SLC44A5: variants seen among roughly 807,000 people sequenced by gnomAD.
SLC44A5 encodes choline transporter-like protein 5.
A neutral mutation model predicts 101.8 loss-of-function variants in SLC44A5; 57 were observed. The observed-to-expected ratio is 0.56, with a 90% confidence interval of 0.45 to 0.70. The LOEUF is 0.70. Among genes scored for constraint, SLC44A5 ranks in the 30% least tolerant of loss-of-function variants. SLC44A5 has a pLI of 0.00. For synonymous variants in SLC44A5, 281 were observed against 290.9 expected, an observed-to-expected ratio of 0.97 and a Z score of 0.35; for missense variants, 737 against 853.1, an observed-to-expected ratio of 0.86 and a Z score of 1.70.
intron 5 of SLC44A5, among the ~76,000 whole-genome samples, 199 bp downstream of exon 5, chr1:75,300,413 C>T (rs1654360495): frequency 6.6e-6 from 1 of 152,114 alleles, no homozygotes; most frequent in Non-Finnish European, 1.5e-5. Flanking sequence ...TTTGGGCTTG[C>T]CTTTGACTAA....
chr1:75,380,905 G>A (rs1388559678), intron 3 of SLC44A5, among the ~76,000 whole-genome samples: 2 of 82,296 alleles, frequency 2.4e-5, no homozygotes, highest in Admixed American at 1.2e-4. Flanking sequence ...TATTTCCATT[G>A]GGTATCGTTA....
At position 75,438,213 on chromosome 1, in the gene SLC44A5, T is replaced by G. The variant is rs535425024; in HGVS notation, c.14-41592A>C. On this transcript the variant is annotated intron_variant, in intron 2 of 23. Transcript: ENST00000370859. ...GAGAAATGAAGGCTAGTCATTGGAT[T>G]CAGCAATCTGGAAGTTATTGATGAC... Among the ~76,000 whole-genome samples the G allele has an allele frequency of 2.0e-5, 3 of 152,252 alleles. No individual in the cohort carries two copies. The South Asian group carries it at 6.2e-4, about 32-fold the overall frequency.
At chr1:75,335,845 C>T (rs925586947) in intron 4 of SLC44A5, among the ~76,000 whole-genome samples, 1 of 152,088 alleles carries the variant, frequency 6.6e-6, no homozygotes, top group African/African-American at 2.4e-5. Context: ...GCTCTGTGGC[C>T]CTGCCCAGGA....
chr1:75,359,178 T>TC (rs1659302315), intron 3 of SLC44A5, among the ~76,000 whole-genome samples: 1 of 151,888 alleles, frequency 6.6e-6, no homozygotes, highest in Admixed American at 6.6e-5. Flanking sequence ...TCTTTTCTTT[T>TC]TTTTTTTAAG....
At chr1:75,482,168 G>C (rs924584022) in intron 2 of SLC44A5, among the ~76,000 whole-genome samples, 5 of 151,550 alleles carry the variant, frequency 3.3e-5, no homozygotes, top group Admixed American at 2.6e-4. Flanking sequence ...ACTATCACAA[G>C]GATAAAAAAC....
At chr1:75,461,322 C>A (rs751817660) in intron 2 of SLC44A5, among the ~76,000 whole-genome samples, 1 of 152,142 alleles carries the variant, frequency 6.6e-6, no homozygotes, top group Non-Finnish European at 1.5e-5. Context: ...TTCACATGCA[C>A]CTTTCTCCCT....
chr1:75,497,744 A>AT (rs1197365791), intron 2 of SLC44A5, among the ~76,000 whole-genome samples: 1 of 152,142 alleles, frequency 6.6e-6, no homozygotes, highest in South Asian at 2.1e-4. Flanking sequence ...AAAACAATAC[A>AT]TTGTGTACCT....
chr1:75,643,414 A>T, the SLC44A5 span, among the ~76,000 whole-genome samples: 1 of 152,204 alleles, frequency 6.6e-6, no homozygotes, highest in Non-Finnish European at 1.5e-5. Context: ...TAGAATATAA[A>T]AACAAGCAAA....
intron 2 of SLC44A5, among the ~76,000 whole-genome samples, chr1:75,459,257 C>G (rs189723832): frequency 1.3e-5 from 2 of 152,190 alleles, no homozygotes; most frequent in East Asian, 3.9e-4. Flanking sequence ...ATTGACATCC[C>G]ATGGAAAGAA....
In SLC44A5 at chr1:75,242,894, G is replaced by C; in HGVS notation, c.463C>G (p.Pro155Ala). Residue 155 changes from proline (P) to alanine (A), a missense_variant, in exon 8 of 24, where the codon CCT (proline) becomes GCT (alanine). Around this residue, in one of 3 missense-constraint regions of SLC44A5, gnomAD observed 665 missense variants for 764.4 expected, o/e 0.87. Transcript: ENST00000370859. ...AGCTTAAACACACATACCTTCACAGGCTTAGCAGTGGTCTTACAGAACTGA... is the reference window on the plus strand; with the variant it reads ...AGCTTAAACACACATACCTTCACAGCCTTAGCAGTGGTCTTACAGAACTGA... The part of the protein sequence containing the change: ...YRQFCKTTAK[P>A]VKSLTQLLLD... 4.4e-6 allele frequency: 7 copies of C among 1,607,328 alleles called. No individual in the cohort carries two copies. Among genetic ancestry groups the C allele is most frequent in the Non-Finnish European group, 5.9e-6 (7 of 1,177,050 alleles).
At chr1:75,490,046 T>TA (rs150084072) in intron 2 of SLC44A5, among the ~76,000 whole-genome samples, 37,989 of 150,994 alleles carry the variant, frequency 0.25, 6,161 homozygotes, top group African/African-American at 0.47. Context: ...ATTGTAAAAT[T>TA]AAAAAAAAAT....
chr1:75,650,429 A>G, the SLC44A5 span, among the ~76,000 whole-genome samples: 8 of 152,236 alleles, frequency 5.3e-5, no homozygotes, highest in African/African-American at 1.9e-4. Context: ...AACAATTGCC[A>G]AATTCCAGAA....
the SLC44A5 span, among the ~76,000 whole-genome samples, chr1:75,677,579 G>T: frequency 1.3e-5 from 2 of 152,054 alleles, no homozygotes; most frequent in Non-Finnish European, 2.9e-5. Flanking sequence ...GAAAGAAAAT[G>T]CCACAAAACA....
At position 75,203,713 on chromosome 1, in the gene SLC44A5, A is replaced by G. The variant is rs1439534504; in HGVS notation, c.*14T>C. ...AAAGGTAACACACAGCTGTAGGACG[A>G]CCAGTTTGCTCTTCTACTGCTTCCT... On this transcript the variant is annotated 3_prime_UTR_variant, in exon 24 of 24. Coordinates refer to ENST00000370859, the MANE Select transcript of SLC44A5 (RefSeq NM_001130058.2). The G allele has an allele frequency of 6.5e-7, 1 of 1,547,210 alleles. No homozygotes were observed.
At chr1:75,502,724 TAC>T (rs1333356978) in intron 2 of SLC44A5, among the ~76,000 whole-genome samples, 6 of 125,272 alleles carry the variant, frequency 4.8e-5, no homozygotes, top group Non-Finnish European at 9.8e-5. Context: ...TCCACAACAG[TAC>T]CCACTTTCTT....
In SLC44A5 at chr1:75,480,676, C is replaced by A. The variant is rs540171466; in HGVS notation, c.13+60759G>T. On this transcript the variant is annotated intron_variant, in intron 2 of 23. Coordinates refer to ENST00000370859, the MANE Select transcript of SLC44A5 (RefSeq NM_001130058.2). ...CAATTGCTTCAAAGAGAATAAAATACCTAGGAATCCACCTTACAAGGGATG... is the reference window on the plus strand; with the variant it reads ...CAATTGCTTCAAAGAGAATAAAATAACTAGGAATCCACCTTACAAGGGATG... 9.0e-4 allele frequency among the ~76,000 whole-genome samples: 137 copies of A among 151,964 alleles called. 1 individual carries two copies. The highest frequency in any genetic ancestry group is 3.2e-3 in the African/African-American group (131 of 41,390).
intron 2 of SLC44A5, among the ~76,000 whole-genome samples, chr1:75,459,710 T>C (rs1666392026): frequency 6.6e-6 from 1 of 152,240 alleles, no homozygotes; most frequent in Non-Finnish European, 1.5e-5. Context: ...CACACAATTA[T>C]TAGAATTCAT....
chr1:75,549,400 G>A (rs1410627856), intron 1 of SLC44A5, among the ~76,000 whole-genome samples: 1 of 152,200 alleles, frequency 6.6e-6, no homozygotes, highest in African/African-American at 2.4e-5. Flanking sequence ...AAATATTCAT[G>A]AAACTAAAAA....
At chr1:75,396,690 C>G (rs1053979206) in intron 2 of SLC44A5, 69 bp from the exon 3 acceptor site, 10 of 1,175,880 alleles carry the variant, frequency 8.5e-6, no homozygotes, top group Non-Finnish European at 8.9e-6. Flanking sequence ...CTATACACAT[C>G]TCTCCTTATC....
Sources: allele counts gnomAD v4.1 joint callset (sites outside exome capture counted in the v4.1 genomes callset), GRCh38; gene constraint gnomAD v4.1.1; regional missense constraint gnomAD v4.1.1; transcripts MANE v1.5; gene names NCBI Gene and HGNC (gene_info 2026-07-23, HGNC 2026-07-21).